SCOC: variants seen among roughly 807,000 people sequenced by gnomAD.
SCOC encodes short coiled coil protein.
Under a neutral mutation model 9.9 loss-of-function variants are expected in SCOC, and 7 were observed. That is an observed-to-expected ratio of 0.71 (90% CI 0.40 to 1.33). SCOC has a LOEUF of 1.33. SCOC is among the 40% of genes most tolerant of loss of function. The pLI is 0.01. For synonymous variants in SCOC, 19 were observed against 28.2 expected (o/e 0.67, Z 1.03); for missense variants, 66 against 89.7 (o/e 0.74, Z 1.07).
chr4:140,373,466 T>C (rs533844459), upstream of SCOC: 1 of 1,549,134 alleles, frequency 6.5e-7, no homozygotes, highest in South Asian at 1.2e-5. Flanking sequence ...TGGATGTCAG[T>C]GTCCTTTTGT....
At chr4:140,331,193 C>T (rs1414524164) in intron 1 of SCOC, among the ~76,000 whole-genome samples, 1 of 152,178 alleles carries the variant, frequency 6.6e-6, no homozygotes, top group African/African-American at 2.4e-5. Flanking sequence ...ATATAAAATG[C>T]ATTTCCAAGA....
In SCOC at chr4:140,373,679, CG is replaced by C. The variant is rs1728173039; in HGVS notation, c.-87del. The stretch of plus-strand genomic sequence containing the variant: ...GTCCAAGTGTCCCGGCCTGAGGTGT[CG>C]GCCGGATCCCTCCTTCTCCCGGCGC... On this transcript the variant is annotated 5_prime_UTR_variant, in exon 1 of 4. Transcript: ENST00000608372. The C allele has an allele frequency of 1.3e-6, 2 of 1,550,652 alleles. No individual in the cohort carries two copies. Among genetic ancestry groups the C allele is most frequent in the African/African-American group, 1.4e-5 (1 of 73,034 alleles).
chr4:140,328,934 G>A (rs1732729277), intron 1 of SCOC, among the ~76,000 whole-genome samples: 1 of 152,148 alleles, frequency 6.6e-6, no homozygotes, highest in Non-Finnish European at 1.5e-5. Flanking sequence ...AGCTTTTGCA[G>A]AACCAGAAAA....
upstream of SCOC, among the ~76,000 whole-genome samples, chr4:140,370,188 AC>A (rs1252466544): frequency 1.3e-5 from 2 of 152,076 alleles, no homozygotes; most frequent in Non-Finnish European, 2.9e-5. Context: ...TCTTTCTGTT[AC>A]TGATTTCTAG....
intron 1 of SCOC, among the ~76,000 whole-genome samples, chr4:140,337,911 C>G (rs183827539): frequency 1.6e-3 from 247 of 152,254 alleles, no homozygotes; most frequent in African/African-American, 5.4e-3. Flanking sequence ...CTATTCCAAT[C>G]AACAGAAAAA....
intron 1 of SCOC, among the ~76,000 whole-genome samples, chr4:140,326,776 C>T (rs977003483): frequency 2.0e-5 from 3 of 152,114 alleles, no homozygotes; most frequent in Non-Finnish European, 4.4e-5. Flanking sequence ...AATTCTTATA[C>T]ACCTAGGAGA....
At chr4:140,268,197 C>T (rs1268627617) in intron 1 of SCOC, among the ~76,000 whole-genome samples, 1 of 152,214 alleles carries the variant, frequency 6.6e-6, no homozygotes, top group Non-Finnish European at 1.5e-5. Context: ...ACCAAGTGTT[C>T]TGGTGGGGGC....
chr4:140,367,571 G>C (rs1036854607), intron 2 of SCOC, among the ~76,000 whole-genome samples: 2 of 152,136 alleles, frequency 1.3e-5, no homozygotes, highest in Admixed American at 6.5e-5. Context: ...GTAGAGACGG[G>C]GTTTCACCAT....
intron 1 of SCOC, among the ~76,000 whole-genome samples, chr4:140,330,394 C>T (rs1033312286): frequency 6.6e-6 from 1 of 152,044 alleles, no homozygotes; most frequent in Non-Finnish European, 1.5e-5. Context: ...AACCAAACAC[C>T]ACTTGTTCCC....
At chr4:140,289,405 T>C (rs1368921911) in intron 1 of SCOC, among the ~76,000 whole-genome samples, 2 of 152,208 alleles carry the variant, frequency 1.3e-5, no homozygotes, top group East Asian at 3.8e-4. Context: ...TGACAGGTGA[T>C]AGAGTGAGTG....
At chr4:140,295,947 AGAAAG>A (rs1731621309) in intron 1 of SCOC, among the ~76,000 whole-genome samples, 1 of 140,722 alleles carries the variant, frequency 7.1e-6, no homozygotes, top group African/African-American at 2.8e-5. Context: ...AAAAAAAAAA[AGAAAG>A]AAAGAAAAAA....
Position 140,326,183 on chromosome 4 carries a change from G to A in SCOC, c.-18-17438G>A, listed in dbSNP as rs147519725. The stretch of plus-strand genomic sequence containing the variant: ...AGTGGTTAGCAGGGTTGAGGGAAAC[G>A]GGAGAGGTTTTCTACAAAGGGACTG... On this transcript the variant is annotated intron_variant, in intron 1 of 4. Transcript: ENST00000394205. Among the ~76,000 whole-genome samples, 3 of 152,148 alleles carry A rather than the reference G, an allele frequency of 2.0e-5. No homozygotes were observed. The East Asian group carries it at 5.8e-4, about 29-fold the overall frequency.
intron 2 of SCOC, chr4:140,343,792 A>G: frequency 2.1e-6 from 2 of 958,018 alleles, no homozygotes; most frequent in Non-Finnish European, 3.2e-6. Flanking sequence ...TATTTTCAGT[A>G]TAATGATAAA....
chr4:140,297,277 G>T (rs1033195734), intron 1 of SCOC, among the ~76,000 whole-genome samples: 11 of 151,864 alleles, frequency 7.2e-5, no homozygotes, highest in African/African-American at 2.7e-4. Flanking sequence ...TGTGGGGGGG[G>T]GGGCACTGTT....
chr4:140,264,437 T>G (rs1283299049), intron 1 of SCOC, among the ~76,000 whole-genome samples: 1 of 152,204 alleles, frequency 6.6e-6, no homozygotes. Context: ...AGGGAAATAA[T>G]AATTGTACCT....
chr4:140,347,110 C>A (rs558595398), intron 2 of SCOC, among the ~76,000 whole-genome samples: 1 of 152,006 alleles, frequency 6.6e-6, no homozygotes, highest in Non-Finnish European at 1.5e-5. Context: ...TAAATAAGTG[C>A]GTTCCTTTAA....
At chr4:140,277,545 C>T (rs79106315) in intron 1 of SCOC, among the ~76,000 whole-genome samples, 1 of 152,256 alleles carries the variant, frequency 6.6e-6, no homozygotes, top group Admixed American at 6.5e-5. Flanking sequence ...CAAGGAGTAA[C>T]TTATCTTTCT....
intron 1 of SCOC, among the ~76,000 whole-genome samples, chr4:140,277,444 A>G (rs1731009324): frequency 6.6e-6 from 1 of 152,080 alleles, no homozygotes; most frequent in Admixed American, 6.5e-5. Context: ...GTGCTATTCC[A>G]TTGTTATTCC....
At chr4:140,373,745 C>A (rs572820964) in intron 1 of SCOC, 28 bp downstream of exon 1, 2 of 1,538,234 alleles carry the variant, frequency 1.3e-6, no homozygotes, top group South Asian at 2.4e-5. Flanking sequence ...CAGCGGAGGG[C>A]CTGGCCCCAG....
Sources: allele counts gnomAD v4.1 joint callset (sites outside exome capture counted in the v4.1 genomes callset), GRCh38; gene constraint gnomAD v4.1.1; transcripts MANE v1.5; gene names NCBI Gene and HGNC (gene_info 2026-07-23, HGNC 2026-07-21).